R3HCC1L: variants seen among roughly 807,000 people sequenced by gnomAD.
R3HCC1L encodes the protein coiled-coil domain-containing protein R3HCC1L.
A neutral mutation model predicts 59.9 loss-of-function variants in R3HCC1L; 51 were observed. The ratio of observed to expected loss-of-function variants is 0.85; its 90% CI spans 0.68 to 1.07. The LOEUF (loss-of-function observed/expected upper bound fraction) is 1.07. R3HCC1L is among the 50% of genes least tolerant of loss of function. The pLI, the probability that R3HCC1L is intolerant of heterozygous loss-of-function variation, is 0.00. For synonymous variants in R3HCC1L, 322 were observed against 315.2 expected, an observed-to-expected ratio of 1.02 and a Z score of -0.23; for missense variants, 965 against 933.0, an observed-to-expected ratio of 1.03 and a Z score of -0.45.
At chr10:98,157,081 T>C (rs1846956801) in intron 2 of R3HCC1L, among the ~76,000 whole-genome samples, 1 of 152,250 alleles carries the variant, frequency 6.6e-6, no homozygotes, top group Non-Finnish European at 1.5e-5. Context: ...AGGCATAGTT[T>C]CTTTTTTCTC....
At chr10:98,214,577 C>G (rs1230664431) in intron 5 of R3HCC1L, among the ~76,000 whole-genome samples, 2 of 152,100 alleles carry the variant, frequency 1.3e-5, no homozygotes, top group Non-Finnish European at 2.9e-5. Context: ...AACTTGTGCC[C>G]AAATCTTGTT....
chr10:98,228,427 G>A (rs191946424), intron 5 of R3HCC1L, among the ~76,000 whole-genome samples: 1 of 152,082 alleles, frequency 6.6e-6, no homozygotes, highest in East Asian at 1.9e-4. Flanking sequence ...TGTTGATGGG[G>A]TTTTTGTTTT....
intron 1 of R3HCC1L, among the ~76,000 whole-genome samples, chr10:98,153,431 AT>A (rs1309977599): frequency 2.0e-5 from 3 of 152,142 alleles, no homozygotes; most frequent in Non-Finnish European, 4.4e-5. Flanking sequence ...TTAAAGAGTC[AT>A]CACCACTCCC....
Position 98,209,051 on chromosome 10 carries a change from G to C in R3HCC1L, c.937G>C (p.Gly313Arg). 6.2e-7 allele frequency: 1 copy of C among 1,613,464 alleles called. No individual in the cohort carries two copies. Among genetic ancestry groups the C allele is most frequent in the Non-Finnish European group, 8.5e-7 (1 of 1,179,514 alleles). ...KDTDSIPATM[G>R]HISLSESTND... ...TACAGATTCCATTCCTGCAACTATG[G>C]GTCACATCTCTCTGTCAGAGAGCAC... Residue 313 changes from glycine to arginine, a missense_variant, in exon 5 of 10, where the codon GGT becomes CGT. Transcript: ENST00000298999.
chr10:98,168,136 C>T (rs1848137100), intron 4 of R3HCC1L, among the ~76,000 whole-genome samples: 1 of 152,116 alleles, frequency 6.6e-6, no homozygotes, highest in African/African-American at 2.4e-5. Context: ...GAGTTTTTTT[C>T]TTCTCTCCCT....
At chr10:98,169,053 C>G (rs1049416808) in intron 4 of R3HCC1L, among the ~76,000 whole-genome samples, 5 of 152,116 alleles carry the variant, frequency 3.3e-5, no homozygotes, top group Non-Finnish European at 5.9e-5. Context: ...GTTTCAGAGA[C>G]AACAGTGAAT....
rs534417657 is a variant in R3HCC1L, at chr10:98,146,421, A to G, written c.-267-9672A>G. 2.0e-5 allele frequency among the ~76,000 whole-genome samples: 3 copies of G among 152,238 alleles called. No homozygotes were observed. The South Asian group carries it at 6.2e-4, about 32-fold the overall frequency. On this transcript the variant is annotated intron_variant, in intron 1 of 9. Transcript: ENST00000298999. ...ACACTAGGTCGTATTTCTTCTATCA[A>G]ATTGTATGTTTGTACCCATTAATCA...
At chr10:98,135,644 C>G (rs1399722518) in intron 1 of R3HCC1L, among the ~76,000 whole-genome samples, 1 of 152,188 alleles carries the variant, frequency 6.6e-6, no homozygotes, top group Non-Finnish European at 1.5e-5. Flanking sequence ...GTTTTTATGC[C>G]AGGTTCCTAG....
chr10:98,221,416 G>A (rs1318969809), intron 5 of R3HCC1L, among the ~76,000 whole-genome samples: 1 of 149,250 alleles, frequency 6.7e-6, no homozygotes, highest in Admixed American at 6.7e-5. Context: ...GGCTTTTGTT[G>A]CCATTGCTTT....
chr10:98,213,931 A>G (rs751332353), intron 5 of R3HCC1L, among the ~76,000 whole-genome samples: 1 of 152,178 alleles, frequency 6.6e-6, no homozygotes, highest in Non-Finnish European at 1.5e-5. Context: ...CAGTTGGGAC[A>G]TTCAGTGAAG....
chr10:98,174,739 C>T (rs1848834909), intron 4 of R3HCC1L: 3 of 983,456 alleles, frequency 3.1e-6, no homozygotes, highest in South Asian at 4.7e-5. Flanking sequence ...TAGATTGACA[C>T]CAAATCATGG....
chr10:98,183,846 A>G (rs1342254676), intron 4 of R3HCC1L, among the ~76,000 whole-genome samples: 3 of 150,750 alleles, frequency 2.0e-5, no homozygotes, highest in African/African-American at 4.9e-5. Context: ...TATTATCTAC[A>G]TTTTTCGTTA....
intron 1 of R3HCC1L, among the ~76,000 whole-genome samples, chr10:98,137,688 GTGTTTC>G (rs1180532646): frequency 2.0e-5 from 3 of 152,094 alleles, no homozygotes; most frequent in Non-Finnish European, 4.4e-5. Flanking sequence ...GGGCTTTGCT[GTGTTTC>G]TGTTTTTCTA....
Position 98,205,365 on chromosome 10 carries a change from C to T in R3HCC1L, c.-14-2736C>T, listed in dbSNP as rs78056883. ...TTTACGCTACAGAGATTGTCAAATG[C>T]CATAAATAGGGCTTGATTTCTTATT... On this transcript the variant is annotated intron_variant, in intron 4 of 9. Coordinates refer to ENST00000298999, the MANE Select transcript of R3HCC1L (RefSeq NM_001351015.2). Among the ~76,000 whole-genome samples the T allele has an allele frequency of 2.0e-5, 3 of 152,166 alleles. No homozygotes were observed. The East Asian group carries it at 5.8e-4, about 29-fold the overall frequency.
chr10:98,156,525 C>T (rs1057039886), intron 2 of R3HCC1L, among the ~76,000 whole-genome samples: 1 of 152,130 alleles, frequency 6.6e-6, no homozygotes, highest in African/African-American at 2.4e-5. Flanking sequence ...ATGATGAGAC[C>T]ATCACTATCT....
chr10:98,237,878 T>C (rs1033887751), intron 9 of R3HCC1L, among the ~76,000 whole-genome samples: 5 of 152,182 alleles, frequency 3.3e-5, no homozygotes, highest in African/African-American at 1.2e-4. Context: ...CAGTGGAAAC[T>C]TTACTGTTTT....
chr10:98,235,970 T>G (rs1856895566), intron 8 of R3HCC1L, 54 bp from the exon 9 acceptor site: 2 of 1,544,398 alleles, frequency 1.3e-6, no homozygotes, highest in Non-Finnish European at 8.9e-7. Flanking sequence ...CACTTGAAGC[T>G]AGAGTGCTCT....
chr10:98,222,638 CAT>C (rs952586395), intron 5 of R3HCC1L, among the ~76,000 whole-genome samples: 44 of 152,120 alleles, frequency 2.9e-4, no homozygotes, highest in African/African-American at 9.4e-4. Context: ...TTGAGATAAT[CAT>C]GTGGTTTTTG....
At chr10:98,193,956 C>T (rs958069450) in intron 4 of R3HCC1L, among the ~76,000 whole-genome samples, 3 of 152,092 alleles carry the variant, frequency 2.0e-5, no homozygotes, top group East Asian at 3.9e-4. Context: ...ATCCTTACAG[C>T]GTTTTTTGCA....
Sources: allele counts gnomAD v4.1 joint callset (sites outside exome capture counted in the v4.1 genomes callset), GRCh38; gene constraint gnomAD v4.1.1; transcripts MANE v1.5; gene names NCBI Gene and HGNC (gene_info 2026-07-23, HGNC 2026-07-21).